The following SLC4A4 variants were observed in gnomAD, a reference collection of about 807,000 sequenced individuals.
SLC4A4 encodes the protein electrogenic sodium bicarbonate cotransporter 1.
In SLC4A4, 27 loss-of-function variants were observed where a neutral mutation model predicts 111.5. The ratio of observed to expected loss-of-function variants is 0.24; its 90% CI spans 0.18 to 0.33. The LOEUF (loss-of-function observed/expected upper bound fraction) is 0.33, where lower values mean the gene tolerates loss of function less well. Among genes scored for constraint, SLC4A4 ranks in the 10% least tolerant of loss-of-function variants. The probability of loss-of-function intolerance (pLI) is 1.00; values close to 1 mark genes in which losing one functional copy is unlikely to be tolerated. For synonymous variants in SLC4A4, 443 were observed against 463.4 expected, an observed-to-expected ratio of 0.96 and a Z score of 0.57; for missense variants, 909 against 1,315.5, an observed-to-expected ratio of 0.69 and a Z score of 4.78.
At chr4:71,093,606 G>A (rs1742449604) in intron 2 of SLC4A4, among the ~76,000 whole-genome samples, 1 of 152,184 alleles carries the variant, frequency 6.6e-6, no homozygotes. Context: ...TTTAGCTTCA[G>A]CAATTTAAAC....
At chr4:71,223,834 C>G (rs758573680) in intron 1 of SLC4A4, among the ~76,000 whole-genome samples, 7 of 151,996 alleles carry the variant, frequency 4.6e-5, no homozygotes, top group African/African-American at 7.3e-5. Context: ...CACAGAAGCC[C>G]GTCTTCACTG....
chr4:71,205,549 A>G (rs1404816967), intron 1 of SLC4A4, among the ~76,000 whole-genome samples: 2 of 152,136 alleles, frequency 1.3e-5, no homozygotes, highest in East Asian at 1.9e-4. Context: ...CAGAATTTGT[A>G]TATATATTTA....
chr4:71,429,988 A>G (rs906194813), intron 7 of SLC4A4, among the ~76,000 whole-genome samples: 2 of 152,050 alleles, frequency 1.3e-5, no homozygotes, highest in Non-Finnish European at 2.9e-5. Context: ...TAAGCCTAGA[A>G]TTGGTTTTCA....
chr4:71,425,083 G>A (rs1031877900), intron 7 of SLC4A4, among the ~76,000 whole-genome samples: 6 of 152,014 alleles, frequency 3.9e-5, no homozygotes, highest in South Asian at 2.1e-4. Context: ...TTCCTAGTTC[G>A]GCAACCATGC....
chr4:71,466,931 AAG>A (rs61128918), intron 13 of SLC4A4, among the ~76,000 whole-genome samples: 15,686 of 94,766 alleles, frequency 0.17, 1,482 homozygotes, highest in South Asian at 0.35. Context: ...ACAAGACGGG[AAG>A]AGAGAGAGAG....
At chr4:71,139,252 G>A (rs1226410356) in intron 2 of SLC4A4, among the ~76,000 whole-genome samples, 3 of 149,454 alleles carry the variant, frequency 2.0e-5, no homozygotes, top group Non-Finnish European at 4.4e-5. Context: ...CTCCCACTTA[G>A]CAACCATTGA....
intron 1 of SLC4A4, among the ~76,000 whole-genome samples, chr4:71,229,139 A>T (rs1053412931): frequency 6.6e-6 from 1 of 152,206 alleles, no homozygotes; most frequent in Non-Finnish European, 1.5e-5. Flanking sequence ...GTCACTCCAT[A>T]TAAATTGTAT....
At position 71,539,017 on chromosome 4, in the gene SLC4A4, G is replaced by C. The variant is rs576432183; in HGVS notation, c.2442+4629G>C. ...TGTTATAGATTGGGGGTAGGAGGGA[G>C]AAATAATTTAGGATAGATATCTAGA... On this transcript the variant is annotated intron_variant, in intron 18 of 25. Coordinates refer to ENST00000264485, the MANE Select transcript of SLC4A4 (RefSeq NM_001098484.3). 1.3e-4 allele frequency among the ~76,000 whole-genome samples: 20 copies of C among 152,168 alleles called. No homozygotes were observed. The East Asian group carries it at 3.5e-3, about 26-fold the overall frequency.
chr4:71,346,100 A>AT (rs1578884456), intron 4 of SLC4A4, among the ~76,000 whole-genome samples: 1 of 151,892 alleles, frequency 6.6e-6, no homozygotes, highest in East Asian at 1.9e-4. Flanking sequence ...TCTTAATTAT[A>AT]TTTAATCATA....
chr4:71,168,409 C>T lies in SLC4A4; in HGVS notation c.-1-68167C>T, dbSNP rs554250408. On this transcript the variant is annotated intron_variant, in intron 2 of 26. Transcript: ENST00000649996. ...TGTTGGCCAGGCTGGTCTCGAACTC[C>T]TGACCTCAGATGATCTGCCTGCCTC... 2.6e-5 allele frequency among the ~76,000 whole-genome samples: 4 copies of T among 152,160 alleles called. No homozygotes were observed. In the East Asian group the frequency reaches 7.7e-4, roughly 29 times the overall value.
At chr4:71,315,231 G>C (rs1726588439) in intron 3 of SLC4A4, among the ~76,000 whole-genome samples, 1 of 152,072 alleles carries the variant, frequency 6.6e-6, no homozygotes, top group African/African-American at 2.4e-5. Flanking sequence ...ACCTAAAACT[G>C]ATGCAGACCC....
intron 8 of SLC4A4, among the ~76,000 whole-genome samples, chr4:71,446,519 A>G (rs1725245330): frequency 6.6e-6 from 1 of 152,154 alleles, no homozygotes; most frequent in Non-Finnish European, 1.5e-5. Context: ...AGGAGGTAAG[A>G]ATGCCTATAT....
At chr4:71,182,714 TCACACACACA>T (rs77414889), upstream of SLC4A4, among the ~76,000 whole-genome samples, 2 of 146,336 alleles carry the variant, frequency 1.4e-5, no homozygotes, top group African/African-American at 2.5e-5. Context: ...TATGTACATT[TCACACACACA>T]CACACACACA....
intron 16 of SLC4A4, among the ~76,000 whole-genome samples, chr4:71,506,255 G>A (rs1325554441): frequency 6.6e-6 from 1 of 152,090 alleles, no homozygotes; most frequent in African/African-American, 2.4e-5. Context: ...AATAGCATTA[G>A]ATCTTCAAAT....
chr4:71,545,562 A>G (rs1232687795), intron 18 of SLC4A4, among the ~76,000 whole-genome samples: 1 of 152,038 alleles, frequency 6.6e-6, no homozygotes, highest in Non-Finnish European at 1.5e-5. Context: ...TATTTATTTA[A>G]TGAGTAAAAA....
At chr4:71,304,232 G>T (rs996869153) in intron 3 of SLC4A4, among the ~76,000 whole-genome samples, 2 of 152,180 alleles carry the variant, frequency 1.3e-5, no homozygotes, top group African/African-American at 2.4e-5. Flanking sequence ...TGTAATTATG[G>T]AGGCTGAAAA....
At chr4:71,202,993 T>C (rs1207475036) in intron 1 of SLC4A4, among the ~76,000 whole-genome samples, 2 of 152,166 alleles carry the variant, frequency 1.3e-5, no homozygotes, top group Non-Finnish European at 2.9e-5. Context: ...GCTAACGTTT[T>C]TTTTCCTATT....
intron 3 of SLC4A4, among the ~76,000 whole-genome samples, chr4:71,275,636 A>G (rs1221857239): frequency 6.6e-6 from 1 of 152,228 alleles, no homozygotes; most frequent in African/African-American, 2.4e-5. Context: ...ATCACAAATT[A>G]CCTATTTAAA....
chr4:71,461,272 T>C (rs1183738467), intron 12 of SLC4A4, among the ~76,000 whole-genome samples: 1 of 152,120 alleles, frequency 6.6e-6, no homozygotes, highest in Non-Finnish European at 1.5e-5. Context: ...TTCCATACTT[T>C]AGTGGGTGGA....
Sources: gnomAD v4.1 joint callset for allele counts (sites outside exome capture counted in the v4.1 genomes callset) on GRCh38, gnomAD v4.1.1 for gene constraint, MANE v1.5 for transcripts, NCBI Gene and HGNC (gene_info 2026-07-23, HGNC 2026-07-21) for gene names.